The following RARA variants were observed in gnomAD, a reference collection of about 807,000 sequenced individuals.
The protein encoded by RARA is PML-DDX5-RARA fusion.
In RARA, 5 loss-of-function variants were observed where a neutral mutation model predicts 42.8. The observed-to-expected ratio is 0.12, with a 90% CI of 0.06 to 0.25. The LOEUF (loss-of-function observed/expected upper bound fraction) is 0.25. Ranked by LOEUF, RARA falls within the 10% of genes least tolerant of loss-of-function variation. The pLI, the probability that RARA is intolerant of heterozygous loss-of-function variation, is 1.00. For synonymous variants in RARA, 256 were observed against 259.5 expected, an observed-to-expected ratio of 0.99 and a Z score of 0.13; for missense variants, 402 against 628.7, an observed-to-expected ratio of 0.64 and a Z score of 3.86.
intron 4 of RARA, chr17:40,350,214 A>G (rs1242792626): frequency 2.6e-6 from 1 of 387,592 alleles, no homozygotes; most frequent in Non-Finnish European, 4.7e-6. Flanking sequence ...GTGTGTGTGC[A>G]TGCTCCAGGA....
chr17:40,342,677 C>G (rs1225104282), intron 2 of RARA: 1 of 1,600,484 alleles, frequency 6.2e-7, no homozygotes, highest in Admixed American at 1.7e-5. Context: ...GACTTCCCAG[C>G]TCGGACCTCT....
chr17:40,350,065 G>A, intron 4 of RARA, 140 bp downstream of exon 4: 6 of 1,339,150 alleles, frequency 4.5e-6, no homozygotes, highest in Non-Finnish European at 6.0e-6. Flanking sequence ...CACGGTTGAG[G>A]ATGGTTTGTG....
intron 1 of RARA, among the ~76,000 whole-genome samples, chr17:40,325,323 C>T (rs1027086454): frequency 2.0e-5 from 3 of 151,990 alleles, no homozygotes; most frequent in Non-Finnish European, 2.9e-5. Context: ...AACCTGGCTT[C>T]CTGCAGCCCA....
intron 2 of RARA, among the ~76,000 whole-genome samples, chr17:40,336,410 T>C (rs1213031793): frequency 6.6e-6 from 1 of 151,412 alleles, no homozygotes; most frequent in African/African-American, 2.4e-5. Flanking sequence ...TTATTTGTTT[T>C]AGACAGAGTC....
intron 2 of RARA, among the ~76,000 whole-genome samples, chr17:40,343,338 CA>C (rs1486415916): frequency 6.6e-6 from 1 of 152,206 alleles, no homozygotes; most frequent in Non-Finnish European, 1.5e-5. Flanking sequence ...CTGCTGCCCC[CA>C]GCCCTTGCTC....
Position 40,320,481 on chromosome 17 carries a change from G to A in RARA, c.-362-10376G>A, listed in dbSNP as rs1391879267. ...ATTGTCTGAGTGGCCCCTCAGGTCT[G>A]TTTTGGGGACATTCACCCAGACCCC... On this transcript the variant is annotated intron_variant, in intron 1 of 8. Coordinates refer to ENST00000254066, the MANE Select transcript of RARA (RefSeq NM_000964.4). The surrounding 1 kb of genome is among the most constrained non-coding windows in gnomAD (Gnocchi z 4.1). Among the ~76,000 whole-genome samples the A allele has an allele frequency of 6.6e-6, 1 of 152,198 alleles. No homozygotes were observed. Among genetic ancestry groups the A allele is most frequent in the East Asian group, 1.9e-4 (1 of 5,200 alleles).
At position 40,354,379 on chromosome 17, in the gene RARA, C is replaced by A. The variant is rs2143524395; in HGVS notation, c.885C>A (p.Thr295=). 6.2e-7 allele frequency: 1 copy of A among 1,614,186 alleles called. No individual in the cohort carries two copies. The highest frequency in any genetic ancestry group is 8.5e-7 in the Non-Finnish European group (1 of 1,180,042). The part of the protein sequence containing the change: ...TFSDGLTLNR[T]QMHNAGFGPL... ...CGGACGGGCTGACCCTGAACCGGAC[C>A]CAGATGCACAACGCTGGCTTCGGCC... Residue 295 remains threonine (T), a synonymous_variant, in exon 7 of 9, where the codon ACC becomes ACA. Transcript: ENST00000254066. The surrounding 1 kb of genome is among the most constrained non-coding windows in gnomAD (Gnocchi z 4.5).
chr17:40,341,481 C>A, intron 2 of RARA: 1 of 1,504,562 alleles, frequency 6.6e-7, no homozygotes, highest in Non-Finnish European at 8.9e-7. Flanking sequence ...AACACTTGGC[C>A]CCGCGCGACC....
At position 40,354,228 on chromosome 17, in the gene RARA, T is replaced by G. The variant is rs2143519250; in HGVS notation, c.808-74T>G. 1 of 1,419,024 alleles carries G rather than the reference T, an allele frequency of 7.0e-7. No individual in the cohort carries two copies. Among genetic ancestry groups the G allele is most frequent in the Non-Finnish European group, 9.7e-7 (1 of 1,025,876 alleles). 87.9% of individuals were successfully genotyped at this position (1,419,024 alleles called of 1,614,324 possible). A position where few individuals can be genotyped will look rare whatever the true frequency, so the allele number is the denominator to read the frequency against. On this transcript the variant is annotated intron_variant, in intron 6 of 8. Transcript: ENST00000254066. The surrounding 1 kb of genome is among the most constrained non-coding windows in gnomAD (Gnocchi z 4.5). ...CCAGGTGGTCCTCCGGGAGTGCTGGTGCGGAGTGCTGGTGCCGAGTGCTCA... is the reference window on the plus strand; with the variant it reads ...CCAGGTGGTCCTCCGGGAGTGCTGGGGCGGAGTGCTGGTGCCGAGTGCTCA...
intron 1 of RARA, among the ~76,000 whole-genome samples, chr17:40,321,290 T>C (rs1340750996): frequency 1.3e-5 from 2 of 151,770 alleles, no homozygotes; most frequent in African/African-American, 2.4e-5. Context: ...CGGGTGTGGG[T>C]GTCTCTTGCT....
Position 40,338,684 on chromosome 17 carries a change from G to A in RARA, c.178+7288G>A, listed in dbSNP as rs2033931704. ...ATCGCGCCATTGCACTCCAGCCCGGGTAACAGAGCAAGACTTGGACTCAAA... is the reference window on the plus strand; with the variant it reads ...ATCGCGCCATTGCACTCCAGCCCGGATAACAGAGCAAGACTTGGACTCAAA... On this transcript the variant is annotated intron_variant, in intron 2 of 8. Coordinates refer to ENST00000254066, the MANE Select transcript of RARA (RefSeq NM_000964.4). 2.3e-5 allele frequency among the ~76,000 whole-genome samples: 3 copies of A among 132,452 alleles called. No homozygotes were observed. In the South Asian group the frequency reaches 7.1e-4, roughly 32 times the overall value. 86.9% of individuals were successfully genotyped at this position (132,452 alleles called of 152,430 possible).
chr17:40,342,617 C>T, intron 2 of RARA: 2 of 1,511,886 alleles, frequency 1.3e-6, no homozygotes, highest in Non-Finnish European at 1.8e-6. Flanking sequence ...TCTCCCCCAG[C>T]TGCTCTGCTC....
intron 4 of RARA, chr17:40,350,514 GAC>G (rs2034407449): frequency 6.5e-6 from 1 of 152,770 alleles, no homozygotes; most frequent in Non-Finnish European, 1.5e-5. Flanking sequence ...GGAAAGGCTG[GAC>G]AGGGAGACCC....
At chr17:40,339,094 C>T (rs919901635) in intron 2 of RARA, among the ~76,000 whole-genome samples, 6 of 152,206 alleles carry the variant, frequency 3.9e-5, no homozygotes, top group Non-Finnish European at 7.3e-5. Flanking sequence ...CGTTAGGCCA[C>T]GGTCGCCTGC....
chr17:40,341,815 G>A (rs2034058044), intron 2 of RARA: 2 of 1,183,634 alleles, frequency 1.7e-6, no homozygotes, highest in South Asian at 3.0e-5. Context: ...CCTTGGGGGA[G>A]CCTGGGAGCC....
intron 2 of RARA, among the ~76,000 whole-genome samples, chr17:40,338,818 T>G (rs1361502170): frequency 1.3e-5 from 2 of 151,206 alleles, no homozygotes; most frequent in African/African-American, 2.4e-5. Context: ...AAGACCAGCC[T>G]TGGCAAGATA....
chr17:40,347,751 C>T (rs188157227), intron 2 of RARA, among the ~76,000 whole-genome samples: 2 of 152,076 alleles, frequency 1.3e-5, no homozygotes, highest in African/African-American at 2.4e-5. Context: ...CTTCTTTGCA[C>T]CCCCTGCCTT....
rs767909639 is a variant in RARA, at chr17:40,354,442, G to C, written c.948G>C (p.Leu316=). Residue 316 remains leucine (L), a synonymous_variant, in exon 7 of 9, where the codon CTG becomes CTC. Coordinates refer to ENST00000254066, the MANE Select transcript of RARA (RefSeq NM_000964.4). The surrounding 1 kb of genome is among the most constrained non-coding windows in gnomAD (Gnocchi z 4.5). ...TDLVFAFANQ[L]LPLEMDDAET... is the part of the protein sequence containing the mutation. ...TGGTCTTTGCCTTCGCCAACCAGCTGCTGCCCCTGGAGATGGATGATGCGG... is the reference window on the plus strand; with the variant it reads ...TGGTCTTTGCCTTCGCCAACCAGCTCCTGCCCCTGGAGATGGATGATGCGG... The C allele has an allele frequency of 6.2e-7, 1 of 1,614,004 alleles. No homozygotes were observed. Among genetic ancestry groups the C allele is most frequent in the African/African-American group, 1.3e-5 (1 of 74,920 alleles).
intron 2 of RARA, among the ~76,000 whole-genome samples, chr17:40,346,065 G>A (rs1370973945): frequency 6.6e-6 from 1 of 152,186 alleles, no homozygotes; most frequent in East Asian, 1.9e-4. Flanking sequence ...CTAAAAGGAG[G>A]CCTTGCCCAG....
Sources: allele counts gnomAD v4.1 joint callset (sites outside exome capture counted in the v4.1 genomes callset), GRCh38; gene constraint gnomAD v4.1.1; non-coding constraint Gnocchi (gnomAD v3.1); transcripts MANE v1.5; gene names NCBI Gene and HGNC (gene_info 2026-07-23, HGNC 2026-07-21).